SPOCK1: variants seen among roughly 807,000 people sequenced by gnomAD.
SPOCK1 encodes testican-1.
Under a neutral mutation model 55.3 loss-of-function variants are expected in SPOCK1, and 23 were observed. The observed-to-expected ratio is 0.42, with a 90% CI of 0.30 to 0.59. The LOEUF (loss-of-function observed/expected upper bound fraction) is 0.59, where lower values mean the gene tolerates loss of function less well. Among genes scored for constraint, SPOCK1 ranks in the 20% least tolerant of loss-of-function variants. The pLI is 0.22. For missense variants in SPOCK1, 499 were observed against 552.5 expected (o/e 0.90, Z 0.97); for synonymous variants, 226 against 221.0 (o/e 1.02, Z -0.20).
intron 2 of SPOCK1, among the ~76,000 whole-genome samples, chr5:137,316,835 G>A (rs1024038480): frequency 6.6e-6 from 1 of 152,188 alleles, no homozygotes; most frequent in Admixed American, 6.5e-5. Flanking sequence ...TTAACAGTTA[G>A]AATAACACCA....
chr5:137,372,717 A>G (rs938994443), intron 2 of SPOCK1, among the ~76,000 whole-genome samples: 3 of 152,244 alleles, frequency 2.0e-5, no homozygotes, highest in Admixed American at 1.3e-4. Context: ...AAGCACAGAA[A>G]AATATGGAAT....
At chr5:137,458,472 C>G (rs7728656) in intron 2 of SPOCK1, among the ~76,000 whole-genome samples, 61,523 of 152,002 alleles carry the variant, frequency 0.4, 13,560 homozygotes, top group East Asian at 0.64. Flanking sequence ...ATCTTTAGCC[C>G]CTAGATGCCT....
intron 2 of SPOCK1, among the ~76,000 whole-genome samples, chr5:137,478,042 C>T (rs922523876): frequency 6.6e-6 from 1 of 152,168 alleles, no homozygotes; most frequent in African/African-American, 2.4e-5. Flanking sequence ...GGGCAAGTCA[C>T]CTCCTCACCC....
intron 3 of SPOCK1, among the ~76,000 whole-genome samples, chr5:137,216,249 A>G (rs1412532256): frequency 6.6e-6 from 1 of 152,208 alleles, no homozygotes; most frequent in Non-Finnish European, 1.5e-5. Context: ...AGATGCTTGT[A>G]TATGGCCCTG....
chr5:137,059,006 G>C (rs1473997216), intron 6 of SPOCK1, among the ~76,000 whole-genome samples: 1 of 152,200 alleles, frequency 6.6e-6, no homozygotes. Context: ...AAGATGGAGT[G>C]TCTTGAACAG....
intron 3 of SPOCK1, among the ~76,000 whole-genome samples, chr5:137,210,350 G>A (rs893591183): frequency 6.6e-6 from 1 of 152,132 alleles, no homozygotes; most frequent in Non-Finnish European, 1.5e-5. Context: ...ATATTTTCCA[G>A]GCTAGAACTG....
At chr5:137,427,942 CTACTCAGCAAGTCATTGT>C (rs1484173512) in intron 2 of SPOCK1, among the ~76,000 whole-genome samples, 1 of 150,028 alleles carries the variant, frequency 6.7e-6, no homozygotes, top group Non-Finnish European at 1.5e-5. Context: ...GAAACTTTGG[CTACTCAGCAAGTCATTGT>C]TACCCTGGCC....
chr5:137,261,970 G>A (rs1463999085), intron 3 of SPOCK1, among the ~76,000 whole-genome samples: 1 of 152,170 alleles, frequency 6.6e-6, no homozygotes, highest in East Asian at 1.9e-4. Context: ...TTCTAAAGTA[G>A]TATAGTGGTT....
intron 2 of SPOCK1, among the ~76,000 whole-genome samples, chr5:137,322,111 C>T (rs1487294608): frequency 6.6e-6 from 1 of 151,892 alleles, no homozygotes; most frequent in East Asian, 1.9e-4. Context: ...CTGAGGCAGG[C>T]AGTGAACCCA....
At chr5:137,491,006 A>G (rs1360255101) in intron 2 of SPOCK1, among the ~76,000 whole-genome samples, 2 of 152,238 alleles carry the variant, frequency 1.3e-5, no homozygotes, top group African/African-American at 4.8e-5. Flanking sequence ...AAGCTCCCTT[A>G]AATTAAATGA....
chr5:137,353,964 C>T (rs1479779742), intron 2 of SPOCK1, among the ~76,000 whole-genome samples: 7 of 152,168 alleles, frequency 4.6e-5, no homozygotes, highest in Non-Finnish European at 7.4e-5. Context: ...CCCTCCTCAA[C>T]GGCATCACCA....
intron 3 of SPOCK1, among the ~76,000 whole-genome samples, chr5:137,185,766 C>A (rs1755057239): frequency 6.6e-6 from 1 of 152,118 alleles, no homozygotes; most frequent in South Asian, 2.1e-4. Flanking sequence ...AGGCTGGCAT[C>A]TAAGGAGGCC....
chr5:137,080,816 G>C (rs1350658486), intron 5 of SPOCK1, among the ~76,000 whole-genome samples: 2 of 152,184 alleles, frequency 1.3e-5, no homozygotes, highest in African/African-American at 2.4e-5. Context: ...CTGTATCAGA[G>C]AGAGCACTTC....
intron 3 of SPOCK1, among the ~76,000 whole-genome samples, chr5:137,174,277 G>A (rs1754810198): frequency 6.6e-6 from 1 of 152,192 alleles, no homozygotes; most frequent in Non-Finnish European, 1.5e-5. Context: ...GGTAACAATT[G>A]CACATCTAGC....
chr5:137,314,839 T>C (rs1359874584), intron 2 of SPOCK1, among the ~76,000 whole-genome samples: 1 of 152,120 alleles, frequency 6.6e-6, no homozygotes, highest in Admixed American at 6.5e-5. Context: ...CTCCATAAAT[T>C]AGGCTCTCAG....
chr5:137,166,346 T>TA (rs1754647497), intron 3 of SPOCK1, among the ~76,000 whole-genome samples: 1 of 150,504 alleles, frequency 6.6e-6, no homozygotes, highest in South Asian at 2.1e-4. Context: ...AAAAATGAAA[T>TA]AAAGACATTC....
At chr5:137,107,696 A>G (rs1753394785) in intron 5 of SPOCK1, among the ~76,000 whole-genome samples, 1 of 152,070 alleles carries the variant, frequency 6.6e-6, no homozygotes, top group South Asian at 2.1e-4. Flanking sequence ...TGCATCCACC[A>G]CTTCTAGGAA....
chr5:137,039,973 C>A (rs1397295333), intron 6 of SPOCK1, among the ~76,000 whole-genome samples: 4 of 152,238 alleles, frequency 2.6e-5, no homozygotes, highest in African/African-American at 9.6e-5. Context: ...ACAGAACCGG[C>A]TGCTGGCTGG....
chr5:137,323,462 A>G (rs1758016617), intron 2 of SPOCK1, among the ~76,000 whole-genome samples: 1 of 152,194 alleles, frequency 6.6e-6, no homozygotes, highest in African/African-American at 2.4e-5. Flanking sequence ...CCAATTCACC[A>G]GGAAGACATA....
Sources: gnomAD v4.1 joint callset for allele counts (sites outside exome capture counted in the v4.1 genomes callset) on GRCh38, gnomAD v4.1.1 for gene constraint, MANE v1.5 for transcripts, NCBI Gene and HGNC (gene_info 2026-07-23, HGNC 2026-07-21) for gene names.